The following ZKSCAN7 variants were observed in gnomAD, a reference collection of about 807,000 sequenced individuals.
The protein encoded by ZKSCAN7 is zinc finger protein with KRAB and SCAN domains 7.
ZKSCAN7 carries 38 observed loss-of-function variants against 65.3 expected under a neutral mutation model. That is an observed-to-expected ratio of 0.58 (90% confidence interval 0.45 to 0.76). ZKSCAN7 has a LOEUF of 0.76. Among genes scored for constraint, ZKSCAN7 ranks in the 30% least tolerant of loss-of-function variants. The probability of loss-of-function intolerance (pLI) is 0.00; values close to 1 mark genes in which losing one functional copy is unlikely to be tolerated. For synonymous variants in ZKSCAN7, 321 were observed against 321.0 expected, an observed-to-expected ratio of 1.00 and a Z score of 0.00; for missense variants, 815 against 913.3, an observed-to-expected ratio of 0.89 and a Z score of 1.39.
At chr3:44,569,691 G>T (rs1398592861) in intron 5 of ZKSCAN7, among the ~76,000 whole-genome samples, 1 of 151,980 alleles carries the variant, frequency 6.6e-6, no homozygotes, top group Non-Finnish European at 1.5e-5. Flanking sequence ...TGCTGGCTTA[G>T]TATCTTTTTT....
At chr3:44,568,689 T>C (rs1261652922) in intron 5 of ZKSCAN7, among the ~76,000 whole-genome samples, 1 of 152,198 alleles carries the variant, frequency 6.6e-6, no homozygotes, top group Non-Finnish European at 1.5e-5. Flanking sequence ...ACTCAAGTTA[T>C]TGTAAGTAAG....
At chr3:44,565,853 A>G (rs1374749311) in intron 3 of ZKSCAN7, among the ~76,000 whole-genome samples, 198 bp downstream of exon 3, 1 of 152,194 alleles carries the variant, frequency 6.6e-6, no homozygotes, top group East Asian at 1.9e-4. Context: ...CATCAAGGGC[A>G]TGTCGTAGGA....
At chr3:44,577,564 C>A (rs992000975) in intron 5 of ZKSCAN7, among the ~76,000 whole-genome samples, 1 of 152,112 alleles carries the variant, frequency 6.6e-6, no homozygotes, top group Non-Finnish European at 1.5e-5. Context: ...GGCTGGGCCC[C>A]GTTTCCACAC....
downstream of ZKSCAN7, among the ~76,000 whole-genome samples, chr3:44,572,631 C>T (rs562390345): frequency 2.2e-4 from 34 of 151,962 alleles, no homozygotes; most frequent in African/African-American, 6.8e-4. Context: ...AGGCGGATCA[C>T]GAGGTCAGGA....
At chr3:44,566,604 T>A (rs2125717912) in intron 3 of ZKSCAN7, among the ~76,000 whole-genome samples, 1 of 152,184 alleles carries the variant, frequency 6.6e-6, no homozygotes, top group East Asian at 1.9e-4. Context: ...AGAAAGGTGA[T>A]AAGAACATTT....
chr3:44,570,745 C>A lies in ZKSCAN7; in HGVS notation c.1635C>A (p.His545Gln), dbSNP rs770327284. 43 of 1,614,030 alleles carry A rather than the reference C, an allele frequency of 2.7e-5. No individual in the cohort carries two copies. The highest frequency in any genetic ancestry group is 3.6e-5 in the Non-Finnish European group (43 of 1,180,038). ...NRNLIDHQRI[H>Q]TGEKPYECSE... Reference sequence around the variant, plus strand: ...ATCTCATTGACCATCAGAGAATCCACACTGGGGAGAAGCCTTATGAGTGTA... The same window carrying A: ...ATCTCATTGACCATCAGAGAATCCAAACTGGGGAGAAGCCTTATGAGTGTA... Residue 545 changes from histidine to glutamine, a missense_variant, in exon 6 of 6, where the codon CAC becomes CAA. His to Gln is a conservative substitution (Grantham distance 24). Transcript: ENST00000426540.
chr3:44,567,865 G>T (rs1016702199), intron 3 of ZKSCAN7, 47 bp from the exon 4 acceptor site: 3 of 631,118 alleles, frequency 4.8e-6, no homozygotes, highest in Non-Finnish European at 5.7e-6. Flanking sequence ...TCTTATGGGA[G>T]CCAGAAGCAG....
downstream of ZKSCAN7, among the ~76,000 whole-genome samples, chr3:44,576,383 C>G (rs999990355): frequency 1.3e-5 from 2 of 152,074 alleles, no homozygotes; most frequent in Admixed American, 6.6e-5. Context: ...TATGTGGATG[C>G]GGAACCCAAG....
Position 44,565,627 on chromosome 3 carries a change from G to C in ZKSCAN7, c.564G>C (p.Gly188=). Reference sequence around the variant, plus strand: ...ACCTGGAGCCTCCTTATGACCCAGGGACACACCACCTCCCCAGTGGGGACT... The same window carrying C: ...ACCTGGAGCCTCCTTATGACCCAGGCACACACCACCTCCCCAGTGGGGACT... ...GAHLEPPYDP[G]THHLPSGDFA... The change falls in exon 3 of 6, where the codon GGG becomes GGC. Residue 188 remains glycine (G), a synonymous_variant. Transcript: ENST00000426540. 6.2e-7 allele frequency: 1 copy of C among 1,607,674 alleles called. No individual in the cohort carries two copies. The highest frequency in any genetic ancestry group is 8.5e-7 in the Non-Finnish European group (1 of 1,177,472).
chr3:44,555,803 G>A (rs1207822750), intron 1 of ZKSCAN7, among the ~76,000 whole-genome samples: 1 of 152,194 alleles, frequency 6.6e-6, no homozygotes, highest in Non-Finnish European at 1.5e-5. Flanking sequence ...TGGTGAACTG[G>A]AAGCACAGCA....
chr3:44,572,168 T>C (rs943182081), downstream of ZKSCAN7: 7 of 985,318 alleles, frequency 7.1e-6, no homozygotes, highest in African/African-American at 1.0e-4. Context: ...AGCTCTCACA[T>C]TGAATTATCC....
chr3:44,557,427 C>T lies in ZKSCAN7; in HGVS notation c.380C>T (p.Ala127Val), dbSNP rs1236057784. Reference protein sequence around the residue: ...HHPESGEEAVAVVEDFQRHLS... With the variant: ...HHPESGEEAVVVVEDFQRHLS... The stretch of plus-strand genomic sequence containing the variant: ...CCTGAGAGTGGTGAGGAGGCTGTGG[C>T]TGTGGTGGAGGATTTCCAGAGACAC... Residue 127 changes from alanine (A) to valine (V), a missense_variant, in exon 2 of 6, where the codon GCT (alanine) becomes GTT (valine). Physicochemically the swap from Ala to Val is moderately conservative, Grantham distance 64. Transcript: ENST00000426540. 6.2e-7 allele frequency: 1 copy of T among 1,614,162 alleles called. No homozygotes were observed. Among genetic ancestry groups the T allele is most frequent in the Non-Finnish European group, 8.5e-7 (1 of 1,180,028 alleles).
chr3:44,563,696 C>T (rs960424819), intron 2 of ZKSCAN7, among the ~76,000 whole-genome samples: 2 of 151,126 alleles, frequency 1.3e-5, no homozygotes, highest in African/African-American at 4.9e-5. Flanking sequence ...TGGGCCCCTC[C>T]TCCAATTCAA....
In ZKSCAN7 at chr3:44,570,005, G is replaced by C; in HGVS notation, c.895G>C (p.Gly299Arg). Residue 299 changes from glycine (G) to arginine (R), a missense_variant, in exon 6 of 6, where the codon GGG (glycine) becomes CGG (arginine). Physicochemically the swap from Gly to Arg is moderately radical, Grantham distance 125 (BLOSUM62 -2). This residue lies in a region of ZKSCAN7 where 578 missense variants were observed against 629.5 expected (regional missense o/e 0.92). Coordinates refer to ENST00000426540, the MANE Select transcript of ZKSCAN7 (RefSeq NM_001288590.2). ...ATCAGAGTCATCTAACAGGACATCA[G>C]GGGGACTCTTTGGGGTGGTTCCTGG... ...KGSESSNRTS[G>R]GLFGVVPGAA... is the part of the protein sequence containing the mutation. 2 of 1,611,898 alleles carry C rather than the reference G, an allele frequency of 1.2e-6. No homozygotes were observed. Among genetic ancestry groups the C allele is most frequent in the Non-Finnish European group, 1.7e-6 (2 of 1,179,268 alleles).
chr3:44,579,405 C>G (rs1355684532), intron 5 of ZKSCAN7, among the ~76,000 whole-genome samples: 3 of 152,214 alleles, frequency 2.0e-5, no homozygotes, highest in African/African-American at 7.2e-5. Context: ...TCAGCCCAGT[C>G]AAAGGTCTTG....
intron 3 of ZKSCAN7, among the ~76,000 whole-genome samples, chr3:44,566,570 T>C (rs1475197966): frequency 6.6e-6 from 1 of 152,020 alleles, no homozygotes; most frequent in East Asian, 1.9e-4. Context: ...GATGGAATCA[T>C]TGAGGGAAAT....
chr3:44,579,429 G>A (rs752740195), intron 5 of ZKSCAN7, among the ~76,000 whole-genome samples: 2 of 152,186 alleles, frequency 1.3e-5, no homozygotes, highest in Non-Finnish European at 2.9e-5. Flanking sequence ...AGGCCCTCTC[G>A]CCTCCGCTCC....
intron 2 of ZKSCAN7, among the ~76,000 whole-genome samples, chr3:44,564,234 C>T (rs1334350632): frequency 6.6e-6 from 1 of 152,150 alleles, no homozygotes; most frequent in Non-Finnish European, 1.5e-5. Context: ...AATAAAATGT[C>T]TATGTTCTGA....
rs1015121138 is a variant in ZKSCAN7 at position 44,571,758 on chromosome 3, C to T, written c.*383C>T. On this transcript the variant is annotated 3_prime_UTR_variant, in exon 6 of 6. Transcript: ENST00000426540. ...ATTTATACAAAGTCATTCAAAAAGGCTGATTCATGCCTTCCTGCCTCTTGG... is the reference window on the plus strand; with the variant it reads ...ATTTATACAAAGTCATTCAAAAAGGTTGATTCATGCCTTCCTGCCTCTTGG... 2.9e-6 allele frequency: 3 copies of T among 1,029,760 alleles called. No individual in the cohort carries two copies. The highest frequency in any genetic ancestry group is 3.5e-6 in the Non-Finnish European group (3 of 856,482). The allele number at this position is 1,029,760 out of a possible 1,614,324, so 63.8% of individuals were successfully genotyped here.
Sources: gnomAD v4.1 joint callset for allele counts (sites outside exome capture counted in the v4.1 genomes callset) on GRCh38, gnomAD v4.1.1 for gene constraint, gnomAD v4.1.1 regional missense constraint, MANE v1.5 for transcripts, NCBI Gene and HGNC (gene_info 2026-07-23, HGNC 2026-07-21) for gene names.